Variants in DCC observed in about 807,000 individuals in gnomAD.
DCC encodes DCC netrin 1 receptor, also known as netrin receptor DCC.
DCC carries 58 observed loss-of-function variants against 172.5 expected under a neutral mutation model. That is an observed-to-expected ratio of 0.34 (90% CI 0.27 to 0.42). DCC has a LOEUF of 0.42. Among genes scored for constraint, DCC ranks in the 10% least tolerant of loss-of-function variants. The pLI, the probability that DCC is intolerant of heterozygous loss-of-function variation, is 1.00. For synonymous variants in DCC, 709 were observed against 644.5 expected (o/e 1.10, Z -1.52); for missense variants, 1,740 against 1,791.0 (o/e 0.97, Z 0.51).
rs530639398 is a variant in DCC at position 52,781,445 on chromosome 18, A to G, written c.412+29071A>G. On this transcript the variant is annotated intron_variant, in intron 2 of 28. Transcript: ENST00000442544. ...ATTACAAGTCATCATAGACAGTTGA[A>G]TTTTATAGTCAACGTGTGTTGAATA... 3.6e-3 allele frequency among the ~76,000 whole-genome samples: 551 copies of G among 152,174 alleles called. 3 individuals carry two copies. Among genetic ancestry groups the G allele is most frequent in the Middle Eastern group, 0.017 (5 of 294 alleles).
intron 2 of DCC, among the ~76,000 whole-genome samples, chr18:52,802,250 T>C (rs2038002974): frequency 6.6e-6 from 1 of 152,122 alleles, no homozygotes; most frequent in African/African-American, 2.4e-5. Context: ...TCTCTAGCTC[T>C]TTAGGTTTTA....
At chr18:52,372,186 G>A (rs1985149803) in intron 1 of DCC, among the ~76,000 whole-genome samples, 1 of 152,166 alleles carries the variant, frequency 6.6e-6, no homozygotes, top group African/African-American at 2.4e-5. Context: ...CAAGCCACTA[G>A]GGAAGTTTCT....
In DCC at chr18:53,227,417, T is replaced by C. The variant is rs73461600; in HGVS notation, c.1911+11820T>C. Among the ~76,000 whole-genome samples the C allele has an allele frequency of 1.8e-3, 273 of 152,336 alleles. 2 individuals are homozygous for C. Among genetic ancestry groups the C allele is most frequent in the African/African-American group, 6.4e-3 (268 of 41,592 alleles). ...TGAAACCCACTTATTTCATTTATTATGTTGTTCTTTCACATAGAAAATGAT... is the reference window on the plus strand; with the variant it reads ...TGAAACCCACTTATTTCATTTATTACGTTGTTCTTTCACATAGAAAATGAT... On this transcript the variant is annotated intron_variant, in intron 12 of 28. Transcript: ENST00000442544.
intron 1 of DCC, among the ~76,000 whole-genome samples, chr18:52,473,615 A>G (rs1989007668): frequency 6.6e-6 from 1 of 152,080 alleles, no homozygotes; most frequent in Non-Finnish European, 1.5e-5. Context: ...GTGAAGGGGG[A>G]AGCCCCTTAT....
chr18:52,647,991 A>C (rs1416108675), intron 1 of DCC, among the ~76,000 whole-genome samples: 1 of 152,222 alleles, frequency 6.6e-6, no homozygotes, highest in African/African-American at 2.4e-5. Context: ...TTCTAAAAAA[A>C]TGTTTATGGA....
chr18:52,914,566 G>C (rs369314715), intron 3 of DCC, among the ~76,000 whole-genome samples: 27 of 152,274 alleles, frequency 1.8e-4, no homozygotes, highest in African/African-American at 6.0e-4. Flanking sequence ...CTTACAGCCA[G>C]ATGGAAGTTT....
intron 2 of DCC, among the ~76,000 whole-genome samples, chr18:52,895,249 G>A (rs2039711768): frequency 6.6e-6 from 1 of 152,186 alleles, no homozygotes; most frequent in Admixed American, 6.5e-5. Context: ...TATGAGCATT[G>A]CAACCATTCA....
At chr18:52,585,064 T>C (rs1439186176) in intron 1 of DCC, among the ~76,000 whole-genome samples, 1 of 152,206 alleles carries the variant, frequency 6.6e-6, no homozygotes, top group African/African-American at 2.4e-5. Flanking sequence ...CGGTATTTTT[T>C]ACAAAGCACA....
At chr18:52,346,735 C>G (rs575159132) in intron 1 of DCC, among the ~76,000 whole-genome samples, 10 of 152,214 alleles carry the variant, frequency 6.6e-5, no homozygotes, top group Non-Finnish European at 1.3e-4. Flanking sequence ...ACACACAAAT[C>G]ATTCCATATT....
chr18:52,837,321 C>T (rs1418911864), intron 2 of DCC, among the ~76,000 whole-genome samples: 2 of 152,194 alleles, frequency 1.3e-5, no homozygotes, highest in Non-Finnish European at 2.9e-5. Context: ...AATTTCTCCC[C>T]AGAAAATGGG....
At chr18:53,325,196 C>CAAAAAA (rs750007696) in intron 14 of DCC, among the ~76,000 whole-genome samples, 4 of 65,088 alleles carry the variant, frequency 6.1e-5, no homozygotes, top group African/African-American at 2.6e-4. Context: ...GACTCCATCT[C>CAAAAAA]AAAAAAAAAA....
chr18:52,907,128 A>G (rs2039894887), intron 3 of DCC, among the ~76,000 whole-genome samples: 1 of 150,828 alleles, frequency 6.6e-6, no homozygotes, highest in Non-Finnish European at 1.5e-5. Flanking sequence ...TTTCCATTAC[A>G]TACACAAAAT....
Position 53,191,078 on chromosome 18 carries a change from T to A in DCC, c.1573+11962T>A, listed in dbSNP as rs193289889. Among the ~76,000 whole-genome samples the A allele has an allele frequency of 2.3e-4, 35 of 152,278 alleles. No individual in the cohort carries two copies. The East Asian group carries it at 6.4e-3, about 28-fold the overall frequency. ...TCTACTATCTGCTATAAATCACCTA[T>A]TTGATTTTAACTCTCAGTTGAATTT... On this transcript the variant is annotated intron_variant, in intron 9 of 28. Coordinates refer to ENST00000442544, the MANE Select transcript of DCC (RefSeq NM_005215.4).
intron 12 of DCC, among the ~76,000 whole-genome samples, chr18:53,259,924 ACTTCT>A (rs2056573713): frequency 6.6e-6 from 1 of 151,144 alleles, no homozygotes; most frequent in African/African-American, 2.4e-5. Flanking sequence ...TTTTCTCTAA[ACTTCT>A]CTTCTCACTT....
At chr18:52,967,308 C>A (rs2040950722) in intron 5 of DCC, among the ~76,000 whole-genome samples, 1 of 152,136 alleles carries the variant, frequency 6.6e-6, no homozygotes, top group Admixed American at 6.6e-5. Context: ...GACCTTCTCC[C>A]AAGGTAGAGT....
intron 12 of DCC, among the ~76,000 whole-genome samples, chr18:53,222,897 G>A (rs1008433621): frequency 6.6e-5 from 10 of 151,782 alleles, no homozygotes; most frequent in African/African-American, 2.2e-4. Context: ...TTACAAATGA[G>A]AACAATGTAC....
intron 24 of DCC, among the ~76,000 whole-genome samples, chr18:53,461,768 CT>C (rs1490158434): frequency 1.3e-5 from 2 of 152,218 alleles, no homozygotes; most frequent in African/African-American, 4.8e-5. Context: ...GATTTCCTAA[CT>C]TCCTTGTCAC....
intron 2 of DCC, among the ~76,000 whole-genome samples, chr18:52,884,907 AC>A (rs903515442): frequency 3.9e-5 from 6 of 152,112 alleles, no homozygotes; most frequent in Admixed American, 3.3e-4. Flanking sequence ...GTTCTTGCAG[AC>A]TCATAGAGGT....
At chr18:52,543,790 C>G (rs2032532594) in intron 1 of DCC, among the ~76,000 whole-genome samples, 1 of 152,164 alleles carries the variant, frequency 6.6e-6, no homozygotes, top group South Asian at 2.1e-4. Context: ...GAGCTGGGAT[C>G]CAGCCCTAGC....
Sources: allele counts gnomAD v4.1 joint callset (sites outside exome capture counted in the v4.1 genomes callset), GRCh38; gene constraint gnomAD v4.1.1; transcripts MANE v1.5; gene names NCBI Gene and HGNC (gene_info 2026-07-23, HGNC 2026-07-21).